The following SPTB variants were observed in gnomAD, a reference collection of about 807,000 sequenced individuals.
The protein encoded by SPTB is spectrin beta chain, erythrocytic.
Under a neutral mutation model 256.2 loss-of-function variants are expected in SPTB, and 45 were observed. That is an observed-to-expected ratio of 0.18 (90% CI 0.14 to 0.23). The LOEUF (loss-of-function observed/expected upper bound fraction) is 0.23, where lower values mean the gene tolerates loss of function less well. Ranked by LOEUF, SPTB falls within the 10% of genes least tolerant of loss-of-function variation. The pLI is 1.00. For synonymous variants in SPTB, 1,231 were observed against 1,243.1 expected (o/e 0.99, Z 0.21); for missense variants, 2,715 against 3,040.4 (o/e 0.89, Z 2.52).
At chr14:64,850,194 C>G (rs2083759669) in intron 1 of SPTB, among the ~76,000 whole-genome samples, 1 of 152,196 alleles carries the variant, frequency 6.6e-6, no homozygotes, top group South Asian at 2.1e-4. Flanking sequence ...ACTGACTGTT[C>G]ATATGCCTAC....
rs1448218960 is a variant in SPTB at position 64,796,729 on chromosome 14, G to A, written c.1183-14C>T. On this transcript the variant is annotated splice_polypyrimidine_tract_variant and intron_variant, in intron 10 of 35. Transcript: ENST00000644917. The surrounding 1 kb of genome is among the most constrained non-coding windows in gnomAD (Gnocchi z 4.1). ...GCTTTCCCAGGCCTGCACAAAGGAT[G>A]GAATGAGAATTCTTGGGGCACAGGA... 1.2e-6 allele frequency: 2 copies of A among 1,614,116 alleles called. No individual in the cohort carries two copies. Among genetic ancestry groups the A allele is most frequent in the South Asian group, 1.1e-5 (1 of 91,070 alleles).
rs2082371876 is a variant in SPTB, at chr14:64,777,097, C to T, written c.4564-1694G>A. On this transcript the variant is annotated intron_variant, in intron 22 of 35. Transcript: ENST00000644917. This position sits in a 1 kb window ranked among gnomAD's most constrained non-coding sequence, Gnocchi z 4.5. ...TTTAGCTAAGGGAGTCAGGGAGGGC[C>T]TCTCTGAGGATACGAAACTTGACCA... Among the ~76,000 whole-genome samples, 1 of 152,288 alleles carries T rather than the reference C, an allele frequency of 6.6e-6. No homozygotes were observed. The highest frequency in any genetic ancestry group is 2.1e-4 in the South Asian group (1 of 4,810).
chr14:64,876,295 C>A (rs1882821963), intron 1 of SPTB, among the ~76,000 whole-genome samples: 1 of 152,130 alleles, frequency 6.6e-6, no homozygotes, highest in African/African-American at 2.4e-5. Context: ...GTGCCCACCA[C>A]CACACCTGGC....
Position 64,806,719 on chromosome 14 carries a change from G to T in SPTB, c.149-1629C>A, listed in dbSNP as rs2082991171. Among the ~76,000 whole-genome samples the T allele has an allele frequency of 6.6e-6, 1 of 152,074 alleles. No homozygotes were observed. Among genetic ancestry groups the T allele is most frequent in the African/African-American group, 2.4e-5 (1 of 41,408 alleles). ...GGTGCCAGGCCCTGGGTGGTGGTGGGGAACTCAAGGACAAGACTGATGGTC... is the reference window on the plus strand; with the variant it reads ...GGTGCCAGGCCCTGGGTGGTGGTGGTGAACTCAAGGACAAGACTGATGGTC... On this transcript the variant is annotated intron_variant, in intron 2 of 35. Transcript: ENST00000644917. The surrounding 1 kb of genome is among the most constrained non-coding windows in gnomAD (Gnocchi z 4.1).
chr14:64,822,621 C>T (rs1008379980), intron 2 of SPTB, among the ~76,000 whole-genome samples: 1 of 152,064 alleles, frequency 6.6e-6, no homozygotes, highest in African/African-American at 2.4e-5. Flanking sequence ...TGTGAACCTG[C>T]GCCCGGCTGT....
At chr14:64,849,779 G>A (rs2083750920) in intron 1 of SPTB, among the ~76,000 whole-genome samples, 1 of 152,128 alleles carries the variant, frequency 6.6e-6, no homozygotes, top group Admixed American at 6.5e-5. Flanking sequence ...GCTGTAAGAG[G>A]GGCTATGTGG....
rs779698904 is a variant in SPTB, at chr14:64,826,949, T to C, written c.-51-3804A>G. Among the ~76,000 whole-genome samples, 5 of 152,170 alleles carry C rather than the reference T, an allele frequency of 3.3e-5. No individual in the cohort carries two copies. The highest frequency in any genetic ancestry group is 5.9e-5 in the Non-Finnish European group (4 of 68,022). On this transcript the variant is annotated intron_variant, in intron 1 of 35. Coordinates refer to ENST00000644917, the MANE Select transcript of SPTB (RefSeq NM_001355436.2). This position sits in a 1 kb window ranked among gnomAD's most constrained non-coding sequence, Gnocchi z 4.4. Reference sequence around the variant, plus strand: ...GAGGACTCAGCTCACAGAAGGAACATGTACTTATTAATGCATTTCACAATA... The same window carrying C: ...GAGGACTCAGCTCACAGAAGGAACACGTACTTATTAATGCATTTCACAATA...
At chr14:64,791,529 G>A (rs909541127) in intron 15 of SPTB, among the ~76,000 whole-genome samples, 190 bp downstream of exon 15, 3 of 132,994 alleles carry the variant, frequency 2.3e-5, no homozygotes, top group African/African-American at 9.0e-5. Flanking sequence ...TCGCACCACT[G>A]CACTCCAGCC....
chr14:64,846,708 A>AT (rs2083698931), intron 1 of SPTB, among the ~76,000 whole-genome samples: 2 of 152,244 alleles, frequency 1.3e-5, no homozygotes, highest in African/African-American at 4.8e-5. Context: ...GATATAACTG[A>AT]GTATATTCAG....
At position 64,844,426 on chromosome 14, in the gene SPTB, C is replaced by T. The variant is rs11158562; in HGVS notation, c.-51-21281G>A. Among the ~76,000 whole-genome samples the T allele has an allele frequency of 6.6e-6, 1 of 152,204 alleles. No individual in the cohort carries two copies. The highest frequency in any genetic ancestry group is 1.5e-5 in the Non-Finnish European group (1 of 68,028). On this transcript the variant is annotated intron_variant, in intron 1 of 35. Coordinates refer to ENST00000644917, the MANE Select transcript of SPTB (RefSeq NM_001355436.2). This position sits in a 1 kb window ranked among gnomAD's most constrained non-coding sequence, Gnocchi z 4.1. The stretch of plus-strand genomic sequence containing the variant: ...TACTTAGAACATGTGAGGCACCATG[C>T]TAAGTGCCTGACATACATACCTCCT...
Position 64,823,160 on chromosome 14 carries a change from C to T in SPTB, c.-51-15G>A. On this transcript the variant is annotated splice_polypyrimidine_tract_variant and intron_variant, in intron 1 of 35. Transcript: ENST00000644917. This position sits in a 1 kb window ranked among gnomAD's most constrained non-coding sequence, Gnocchi z 6.5. ...TGGAAGGATCCCTGGGGGACAGCAA[C>T]ACAGTCAGAGGGTTATCTCTCTACC... is the stretch of plus-strand genomic sequence containing the variant. 6.3e-7 allele frequency: 1 copy of T among 1,598,430 alleles called. No individual in the cohort carries two copies. The highest frequency in any genetic ancestry group is 8.6e-7 in the Non-Finnish European group (1 of 1,166,188).
Position 64,782,367 on chromosome 14 carries a change from C to T in SPTB, c.4189G>A (p.Ala1397Thr), listed in dbSNP as rs759799491. 1.4e-5 allele frequency: 23 copies of T among 1,614,030 alleles called. No homozygotes were observed. Among genetic ancestry groups the T allele is most frequent in the African/African-American group, 2.7e-5 (2 of 74,920 alleles). The part of the protein sequence containing the change: ...THADLNKWIS[A>T]MEDQLRSDDP... ...TCTGACCGCAGCTGGTCCTCCATGG[C>T]GCTGATCCACTTGTTGAGGTCAGCA... The change falls in exon 20 of 36, where the codon GCC (alanine) becomes ACC (threonine). Residue 1397 changes from alanine to threonine, a missense_variant. Ala to Thr is a moderately conservative substitution (Grantham distance 58). Coordinates refer to ENST00000644917, the MANE Select transcript of SPTB (RefSeq NM_001355436.2).
At chr14:64,848,480 C>T (rs565539853) in intron 1 of SPTB, among the ~76,000 whole-genome samples, 1 of 152,310 alleles carries the variant, frequency 6.6e-6, no homozygotes, top group South Asian at 2.1e-4. Context: ...GCTATTACAT[C>T]ACTTAGTCAT....
chr14:64,809,262 C>CAAAAAAA (rs57245539), intron 2 of SPTB, among the ~76,000 whole-genome samples: 4 of 91,060 alleles, frequency 4.4e-5, no homozygotes, highest in African/African-American at 8.1e-5. Flanking sequence ...AACTTTGTAT[C>CAAAAAAA]AAAAAAAAAA....
rs1409414528 is a variant in SPTB at position 64,800,881 on chromosome 14, AG to A, written c.764-14del. On this transcript the variant is annotated splice_polypyrimidine_tract_variant and intron_variant, in intron 7 of 35. Transcript: ENST00000644917. The stretch of plus-strand genomic sequence containing the variant: ...TCCGTAAAGACATCTGTTAGGGAAA[AG>A]GGTGTACTCTCAGGACCAAACTGGA... 1 of 1,606,212 alleles carries A rather than the reference AG, an allele frequency of 6.2e-7. No individual in the cohort carries two copies. Among genetic ancestry groups the A allele is most frequent in the Non-Finnish European group, 8.5e-7 (1 of 1,174,220 alleles).
chr14:64,858,958 T>C (rs1188136519), intron 1 of SPTB, among the ~76,000 whole-genome samples: 3 of 152,178 alleles, frequency 2.0e-5, no homozygotes, highest in Non-Finnish European at 2.9e-5. Flanking sequence ...TCAGGCATCA[T>C]TTTAAAATTG....
intron 2 of SPTB, among the ~76,000 whole-genome samples, chr14:64,815,295 T>A (rs188137649): frequency 1.5e-5 from 2 of 130,952 alleles, no homozygotes; most frequent in Admixed American, 1.5e-4. Context: ...GCATCTCCCA[T>A]GAAGCGCGAA....
rs374055381 is a variant in SPTB, at chr14:64,831,799, A to G, written c.-51-8654T>C. On this transcript the variant is annotated intron_variant, in intron 1 of 35. Transcript: ENST00000644917. ...CAGTGAATGAACACGTGGAGGGCAC[A>G]TGGCAATGCTGGAGGATCATAGAAA... Among the ~76,000 whole-genome samples the G allele has an allele frequency of 1.8e-4, 28 of 152,382 alleles. 1 individual carries two copies. The South Asian group carries it at 3.3e-3, about 18-fold the overall frequency.
chr14:64,836,887 T>C (rs939482509), intron 1 of SPTB, among the ~76,000 whole-genome samples: 1 of 152,204 alleles, frequency 6.6e-6, no homozygotes, highest in African/African-American at 2.4e-5. Context: ...TATGGAAATA[T>C]AATACATTAC....
Sources: allele counts gnomAD v4.1 joint callset (sites outside exome capture counted in the v4.1 genomes callset), GRCh38; gene constraint gnomAD v4.1.1; non-coding constraint Gnocchi (gnomAD v3.1); transcripts MANE v1.5; gene names NCBI Gene and HGNC (gene_info 2026-07-23, HGNC 2026-07-21).